CDH11: variants seen among roughly 807,000 people sequenced by gnomAD.
The protein encoded by CDH11 is cadherin-11.
In CDH11, 11 loss-of-function variants were observed where a neutral mutation model predicts 67.8. That is an observed-to-expected ratio of 0.16 (90% confidence interval 0.10 to 0.27). The LOEUF is 0.27. CDH11 is among the 10% of genes least tolerant of loss of function. The probability of loss-of-function intolerance (pLI) is 1.00; values close to 1 mark genes in which losing one functional copy is unlikely to be tolerated. For synonymous variants in CDH11, 419 were observed against 400.0 expected, an observed-to-expected ratio of 1.05 and a Z score of -0.57; for missense variants, 847 against 1,031.2, an observed-to-expected ratio of 0.82 and a Z score of 2.45.
At chr16:64,990,466 T>C (rs151080450) in intron 6 of CDH11, among the ~76,000 whole-genome samples, 149 of 152,098 alleles carry the variant, frequency 9.8e-4, no homozygotes, top group Non-Finnish European at 1.8e-3. Context: ...AGGCTCTAAC[T>C]GAAAAAGACA....
chr16:65,108,164 GA>G (rs941623381), intron 1 of CDH11, among the ~76,000 whole-genome samples: 4 of 152,138 alleles, frequency 2.6e-5, no homozygotes, highest in Admixed American at 2.0e-4. Context: ...GGGTGATAGA[GA>G]GGGGGCAGCT....
Position 65,067,196 on chromosome 16 carries a change from G to GA in CDH11, c.-297-13269dup, listed in dbSNP as rs35005523. Among the ~76,000 whole-genome samples, 458 of 142,458 alleles carry GA rather than the reference G, an allele frequency of 3.2e-3. 1 individual carries two copies. The highest frequency in any genetic ancestry group is 7.3e-3 in the Middle Eastern group (2 of 274). 93.5% of individuals were successfully genotyped at this position (142,458 alleles called of 152,430 possible). ...TGCATGAAATACAAAGAGTCAACAG[G>GA]AAAAAAAAAAAAAGAGAAACGACGA... is the stretch of plus-strand genomic sequence containing the variant. On this transcript the variant is annotated intron_variant, in intron 1 of 12. Coordinates refer to ENST00000268603, the MANE Select transcript of CDH11 (RefSeq NM_001797.4).
chr16:64,988,352 A>C lies in CDH11; in HGVS notation c.812-8T>G. On this transcript the variant is annotated splice_polypyrimidine_tract_variant and splice_region_variant and intron_variant, in intron 6 of 12. Transcript: ENST00000268603. Reference sequence around the variant, plus strand: ...CAGACATCTGGTATACGCCTAGAAGAAGAAGACATCTATTTTTATTTTCTC... The same window carrying C: ...CAGACATCTGGTATACGCCTAGAAGCAGAAGACATCTATTTTTATTTTCTC... 6.3e-7 allele frequency: 1 copy of C among 1,594,614 alleles called. No homozygotes were observed. Among genetic ancestry groups the C allele is most frequent in the South Asian group, 1.1e-5 (1 of 87,296 alleles).
intron 2 of CDH11, among the ~76,000 whole-genome samples, chr16:65,049,091 A>C (rs1432857481): frequency 6.6e-6 from 1 of 152,154 alleles, no homozygotes; most frequent in Non-Finnish European, 1.5e-5. Flanking sequence ...TATTGGGTAT[A>C]ATGTTCATTA....
intron 1 of CDH11, among the ~76,000 whole-genome samples, chr16:65,095,052 AACCTGTGAAGTTGTGTGTTACT>A: frequency 6.6e-6 from 1 of 152,214 alleles, no homozygotes; most frequent in Non-Finnish European, 1.5e-5. Context: ...ATCTCACCAG[AACCTGTGAAGTTGTGTGTTACT>A]ACCTCTAATG....
intron 2 of CDH11, among the ~76,000 whole-genome samples, chr16:65,022,980 G>A (rs1271002529): frequency 3.9e-5 from 6 of 152,144 alleles, no homozygotes; most frequent in Non-Finnish European, 7.4e-5. Flanking sequence ...ATGGCCCAAA[G>A]AGCCAAAGCA....
intron 1 of CDH11, among the ~76,000 whole-genome samples, chr16:65,067,712 G>A (rs2142757731): frequency 6.9e-6 from 1 of 144,420 alleles, no homozygotes. Flanking sequence ...AGGGAGGGAA[G>A]AAGGGAGAAG....
At chr16:65,061,161 C>T (rs548937931) in intron 1 of CDH11, among the ~76,000 whole-genome samples, 1 of 152,290 alleles carries the variant, frequency 6.6e-6, no homozygotes, top group South Asian at 2.1e-4. Context: ...TTTGGTCCTC[C>T]CAACTTTCCA....
chr16:65,063,755 A>G (rs913973201), intron 1 of CDH11, among the ~76,000 whole-genome samples: 4 of 152,222 alleles, frequency 2.6e-5, no homozygotes, highest in Admixed American at 2.6e-4. Context: ...ATATTTGTAA[A>G]CATTTCAGTC....
Position 65,093,227 on chromosome 16 carries a change from T to C in CDH11, c.-298+28653A>G, listed in dbSNP as rs112428779. On this transcript the variant is annotated intron_variant, in intron 1 of 12. Coordinates refer to ENST00000268603, the MANE Select transcript of CDH11 (RefSeq NM_001797.4). ...TTGGGTTCCTTTTTTTTTTTTTTTT[T>C]TTTTTAAGAGTTCAAGGGAGGGTAC... Among the ~76,000 whole-genome samples the C allele has an allele frequency of 7.2e-3, 1,080 of 150,652 alleles. 17 individuals carry two copies. Among genetic ancestry groups the C allele is most frequent in the African/African-American group, 0.025 (1,043 of 41,090 alleles).
intron 1 of CDH11, among the ~76,000 whole-genome samples, chr16:65,069,563 C>G (rs532089632): frequency 6.6e-6 from 1 of 152,258 alleles, no homozygotes; most frequent in African/African-American, 2.4e-5. Flanking sequence ...TGAGCATCCT[C>G]TTTTTTGTAC....
intron 2 of CDH11, among the ~76,000 whole-genome samples, chr16:65,012,284 G>T (rs2073199557): frequency 6.6e-6 from 1 of 152,072 alleles, no homozygotes; most frequent in African/African-American, 2.4e-5. Flanking sequence ...CCCACTTTGG[G>T]CCATGGCTCA....
chr16:65,042,091 G>A (rs1259503897), intron 2 of CDH11, among the ~76,000 whole-genome samples: 2 of 152,210 alleles, frequency 1.3e-5, no homozygotes, highest in Non-Finnish European at 2.9e-5. Context: ...GGCTATTGGT[G>A]TAGTCACATT....
At chr16:65,098,112 GAGA>G (rs1307639708) in intron 1 of CDH11, among the ~76,000 whole-genome samples, 1 of 152,194 alleles carries the variant, frequency 6.6e-6, no homozygotes, top group Non-Finnish European at 1.5e-5. Context: ...AACTGTGGAA[GAGA>G]AGGCCATGAA....
chr16:64,961,753 T>G (rs2071681234), intron 11 of CDH11, among the ~76,000 whole-genome samples: 1 of 152,110 alleles, frequency 6.6e-6, no homozygotes, highest in Non-Finnish European at 1.5e-5. Flanking sequence ...GAAGTTAATA[T>G]TAGAATATTG....
rs752051131 is a variant in CDH11 at position 64,988,143 on chromosome 16, T to C, written c.999+14A>G. 1.3e-6 allele frequency: 2 copies of C among 1,596,356 alleles called. No individual in the cohort carries two copies. The highest frequency in any genetic ancestry group is 1.3e-5 in the African/African-American group (1 of 74,642). Reference sequence around the variant, plus strand: ...CCATACCACTGACACGTCTGATTCCTTACCCTAACTCACCTTTTTCAGCTT... The same window carrying C: ...CCATACCACTGACACGTCTGATTCCCTACCCTAACTCACCTTTTTCAGCTT... On this transcript the variant is annotated intron_variant, in intron 7 of 12. Coordinates refer to ENST00000268603, the MANE Select transcript of CDH11 (RefSeq NM_001797.4).
chr16:65,040,645 A>G (rs1311428916), intron 2 of CDH11, among the ~76,000 whole-genome samples: 2 of 152,224 alleles, frequency 1.3e-5, no homozygotes, highest in Admixed American at 1.3e-4. Context: ...AACATGGCAC[A>G]TGTATACATA....
At chr16:65,111,482 C>T (rs2075153869) in intron 1 of CDH11, among the ~76,000 whole-genome samples, 2 of 152,036 alleles carry the variant, frequency 1.3e-5, no homozygotes, top group African/African-American at 4.8e-5. Flanking sequence ...GGCTTAACGG[C>T]AGCACATAAG....
intron 1 of CDH11, among the ~76,000 whole-genome samples, chr16:65,114,646 G>A (rs7188625): frequency 0.13 from 19,425 of 152,100 alleles, 1,349 homozygotes; most frequent in East Asian, 0.21. Context: ...TTCATTGCAA[G>A]GTGCAGGCAG....
Sources: allele counts gnomAD v4.1 joint callset (sites outside exome capture counted in the v4.1 genomes callset), GRCh38; gene constraint gnomAD v4.1.1; transcripts MANE v1.5; gene names NCBI Gene and HGNC (gene_info 2026-07-23, HGNC 2026-07-21).